The following VPS13C variants were observed in gnomAD, a reference collection of about 807,000 sequenced individuals.
The protein encoded by VPS13C is intermembrane lipid transfer protein VPS13C.
A neutral mutation model predicts 456.8 loss-of-function variants in VPS13C; 358 were observed. The observed-to-expected ratio is 0.78, with a 90% CI of 0.72 to 0.86. VPS13C has a LOEUF of 0.86. Among genes scored for constraint, VPS13C ranks in the 40% least tolerant of loss-of-function variants. VPS13C has a pLI of 0.00. For missense variants in VPS13C, 4,818 were observed against 4,385.4 expected (o/e 1.10, Z -2.79); for synonymous variants, 1,578 against 1,486.7 (o/e 1.06, Z -1.41).
chr15:62,037,681 G>A (rs112374873), intron 3 of VPS13C, among the ~76,000 whole-genome samples: 3 of 138,122 alleles, frequency 2.2e-5, no homozygotes, highest in Non-Finnish European at 3.1e-5. Flanking sequence ...AGTCTTGTAC[G>A]TAACATGTGC....
chr15:61,947,468 T>C (rs937133853), intron 42 of VPS13C, among the ~76,000 whole-genome samples, 159 bp from the exon 43 acceptor site: 6 of 152,102 alleles, frequency 3.9e-5, no homozygotes, highest in African/African-American at 1.4e-4. Context: ...TTTGGAATAA[T>C]TATCAAATTC....
intron 19 of VPS13C, 94 bp downstream of exon 19, chr15:61,984,763 C>A: frequency 8.1e-7 from 1 of 1,238,592 alleles, no homozygotes; most frequent in Non-Finnish European, 1.1e-6. Flanking sequence ...AATTAAAGAG[C>A]TGGCACTAAT....
chr15:61,930,944 A>C, intron 50 of VPS13C, 146 bp downstream of exon 50: 1 of 855,668 alleles, frequency 1.2e-6, no homozygotes, highest in Admixed American at 2.5e-5. Flanking sequence ...TGATATTAGC[A>C]CTACTTCTTA....
chr15:61,959,650 T>G (rs2045128886), intron 35 of VPS13C, 55 bp from the exon 36 acceptor site: 1 of 1,548,140 alleles, frequency 6.5e-7, no homozygotes, highest in Admixed American at 1.8e-5. Flanking sequence ...AAATGCAACA[T>G]ATTAAAAAAA....
intron 55 of VPS13C, among the ~76,000 whole-genome samples, chr15:61,921,067 T>C (rs2043639014): frequency 6.6e-6 from 1 of 152,124 alleles, no homozygotes; most frequent in South Asian, 2.1e-4. Context: ...CACCTTCAAA[T>C]AAGTAATATT....
chr15:62,030,605 C>T (rs550761586), intron 5 of VPS13C, among the ~76,000 whole-genome samples: 14 of 152,106 alleles, frequency 9.2e-5, no homozygotes, highest in South Asian at 6.2e-4. Flanking sequence ...ATGTGACCTG[C>T]GCAGTGAACA....
rs1393415445 is a variant in VPS13C, at chr15:61,959,556, C to G, written c.3948G>C (p.Gln1316His). The change falls in exon 36 of 85, where the codon CAG becomes CAC. Residue 1316 changes from glutamine to histidine, a missense_variant. Coordinates refer to ENST00000644861, the MANE Select transcript of VPS13C (RefSeq NM_020821.3). ...IQPGIYHPDI[Q>H]LLHPINLEFL... ...ATTCCAAGTTAATTGGGTGCAACAG[C>G]TGAATATCAGGATGGTAGATGCCTG... The G allele has an allele frequency of 1.9e-6, 3 of 1,612,860 alleles. No homozygotes were observed. The highest frequency in any genetic ancestry group is 2.7e-5 in the African/African-American group (2 of 74,844).
At chr15:61,898,010 T>C (rs564038470) in intron 66 of VPS13C, among the ~76,000 whole-genome samples, 1 of 152,058 alleles carries the variant, frequency 6.6e-6, no homozygotes, top group African/African-American at 2.4e-5. Flanking sequence ...CTAAGCTTCA[T>C]AAGTGAACGA....
chr15:61,995,540 C>A (rs2046355426), intron 16 of VPS13C, among the ~76,000 whole-genome samples: 1 of 152,158 alleles, frequency 6.6e-6, no homozygotes, highest in Non-Finnish European at 1.5e-5. Context: ...AGTGACCATC[C>A]TGCTGCAGTT....
chr15:61,922,542 C>A lies in VPS13C; in HGVS notation c.6830G>T (p.Gly2277Val). Residue 2277 changes from glycine (G) to valine (V), a missense_variant, in exon 54 of 85, where the codon GGT becomes GTT. Coordinates refer to ENST00000644861, the MANE Select transcript of VPS13C (RefSeq NM_020821.3). Reference sequence around the variant, plus strand: ...AACTTGAATGGATTCTACAACAACACCACAATTTTCCTCTATCAGTGAATG... The same window carrying A: ...AACTTGAATGGATTCTACAACAACAACACAATTTTCCTCTATCAGTGAATG... ...IEHSLIEENCGVVVESIQVTL... is the reference protein window; with the variant it reads ...IEHSLIEENCVVVVESIQVTL... 6.2e-7 allele frequency: 1 copy of A among 1,614,056 alleles called. No individual in the cohort carries two copies. The highest frequency in any genetic ancestry group is 8.5e-7 in the Non-Finnish European group (1 of 1,179,960).
In VPS13C at chr15:62,032,507, A is replaced by G. The variant is rs11633142; in HGVS notation, c.385+934T>C. ...TTAATAAAAGAATCAATATTTCTGCATAAGAAAAAATACTTGAAGCAAGAA... is the reference window on the plus strand; with the variant it reads ...TTAATAAAAGAATCAATATTTCTGCGTAAGAAAAAATACTTGAAGCAAGAA... On this transcript the variant is annotated intron_variant, in intron 5 of 84. Transcript: ENST00000644861. 4.9e-3 allele frequency among the ~76,000 whole-genome samples: 750 copies of G among 151,916 alleles called. 3 individuals are homozygous for G. Among genetic ancestry groups the G allele is most frequent in the Non-Finnish European group, 8.3e-3 (560 of 67,770 alleles).
At chr15:61,936,846 C>A in intron 47 of VPS13C, 96 bp from the exon 48 acceptor site, 1 of 1,255,122 alleles carries the variant, frequency 8.0e-7, no homozygotes, top group Admixed American at 2.5e-5. Flanking sequence ...ATTAATTGTT[C>A]ACCTACTTAA....
In VPS13C at chr15:61,951,847, C is replaced by T. The variant is rs763638327; in HGVS notation, c.4433G>A (p.Ser1478Asn). The change falls in exon 39 of 85, where the codon AGT becomes AAT. Residue 1478 changes from serine (S) to asparagine (N), a missense_variant. Ser to Asn is a conservative substitution (Grantham distance 46, BLOSUM62 1). Transcript: ENST00000644861. ...MTAKAYLKKI[S>N]MQCFDFTDSK... is the part of the protein sequence containing the mutation. ...ACCAGTGAAATCAAAGCACTGCATA[C>T]TAATTTTTTTTAGATAAGCTTTAGC... The T allele has an allele frequency of 5.1e-5, 83 of 1,611,790 alleles. No individual in the cohort carries two copies. Among genetic ancestry groups the T allele is most frequent in the Non-Finnish European group, 7.0e-5 (82 of 1,179,060 alleles).
intron 10 of VPS13C, 84 bp from the exon 11 acceptor site, chr15:62,013,203 A>C (rs1392438800): frequency 2.1e-6 from 2 of 956,448 alleles, no homozygotes; most frequent in African/African-American, 1.7e-5. Flanking sequence ...CATGTTCACC[A>C]CTCCAAAATT....
chr15:61,895,364 A>C (rs1172388228), intron 66 of VPS13C, among the ~76,000 whole-genome samples: 2 of 152,142 alleles, frequency 1.3e-5, no homozygotes, highest in Non-Finnish European at 2.9e-5. Flanking sequence ...TAAAGATCAG[A>C]GCAGAAATAA....
chr15:61,868,136 T>C (rs1894724162), intron 81 of VPS13C, among the ~76,000 whole-genome samples: 1 of 152,066 alleles, frequency 6.6e-6, no homozygotes, highest in South Asian at 2.1e-4. Flanking sequence ...AATTTATATA[T>C]GTATATATTA....
intron 37 of VPS13C, among the ~76,000 whole-genome samples, chr15:61,958,335 C>A (rs577772110): frequency 1.8e-4 from 27 of 152,000 alleles, no homozygotes; most frequent in Admixed American, 1.2e-3. Flanking sequence ...ATGATTATTT[C>A]AAGAATCTAC....
chr15:61,942,868 C>G (rs1230027666), intron 45 of VPS13C, among the ~76,000 whole-genome samples: 1 of 152,004 alleles, frequency 6.6e-6, no homozygotes, highest in Non-Finnish European at 1.5e-5. Flanking sequence ...ATGGGAAACC[C>G]TAAGGACTCC....
chr15:61,925,373 A>T, intron 53 of VPS13C, 83 bp downstream of exon 53: 1 of 734,648 alleles, frequency 1.4e-6, no homozygotes, highest in Non-Finnish European at 2.0e-6. Flanking sequence ...GAGAGACATC[A>T]AAAGATACTG....
Sources: gnomAD v4.1 joint callset for allele counts (sites outside exome capture counted in the v4.1 genomes callset) on GRCh38, gnomAD v4.1.1 for gene constraint, MANE v1.5 for transcripts, NCBI Gene and HGNC (gene_info 2026-07-23, HGNC 2026-07-21) for gene names.